Variants in EPM2A observed in about 807,000 individuals in gnomAD.
The protein encoded by EPM2A is EPM2A glucan phosphatase, laforin, also known as laforin.
In EPM2A, 21 loss-of-function variants were observed where a neutral mutation model predicts 26.5. That is an observed-to-expected ratio of 0.79 (90% CI 0.56 to 1.14). EPM2A has a LOEUF of 1.14. Among genes scored for constraint, EPM2A ranks in the 50% most tolerant of loss-of-function variants. EPM2A has a pLI of 0.00. For synonymous variants in EPM2A, 217 were observed against 177.6 expected, an observed-to-expected ratio of 1.22 and a Z score of -1.76; for missense variants, 458 against 440.8, an observed-to-expected ratio of 1.04 and a Z score of -0.35.
chr6:145,561,608 T>A (rs1582854431), intron 2 of EPM2A, among the ~76,000 whole-genome samples: 1 of 152,128 alleles, frequency 6.6e-6, no homozygotes, highest in Non-Finnish European at 1.5e-5. Context: ...AGGCAACCCC[T>A]AACAATAGGC....
intron 2 of EPM2A, among the ~76,000 whole-genome samples, chr6:145,524,956 G>A (rs1456663358): frequency 1.3e-5 from 2 of 152,094 alleles, no homozygotes; most frequent in Non-Finnish European, 2.9e-5. Flanking sequence ...TATGGTGAAA[G>A]TTAAGGGTCT....
At chr6:145,498,124 A>T (rs1343187970), downstream of EPM2A, among the ~76,000 whole-genome samples, 3 of 152,152 alleles carry the variant, frequency 2.0e-5, no homozygotes, top group Non-Finnish European at 2.9e-5. Flanking sequence ...CTCCCCAGTC[A>T]GTCTGGACTC....
chr6:145,420,077 A>G (rs770268497), intron 4 of EPM2A, among the ~76,000 whole-genome samples: 1 of 152,106 alleles, frequency 6.6e-6, no homozygotes, highest in Non-Finnish European at 1.5e-5. Flanking sequence ...ATCTTCTGAG[A>G]GCCAAATTAA....
At chr6:145,727,349 T>C (rs1421816696) in intron 1 of EPM2A, among the ~76,000 whole-genome samples, 2 of 152,066 alleles carry the variant, frequency 1.3e-5, no homozygotes, top group Non-Finnish European at 2.9e-5. Context: ...TATCTGAAAA[T>C]AAAATTTCAC....
At chr6:145,420,891 G>T (rs900973351) in intron 4 of EPM2A, among the ~76,000 whole-genome samples, 1 of 151,922 alleles carries the variant, frequency 6.6e-6, no homozygotes, top group Non-Finnish European at 1.5e-5. Flanking sequence ...TATTAGAAAC[G>T]CACTCCCAAG....
intron 2 of EPM2A, among the ~76,000 whole-genome samples, chr6:145,614,093 G>T (rs1775455006): frequency 6.6e-6 from 1 of 152,192 alleles, no homozygotes; most frequent in Non-Finnish European, 1.5e-5. Flanking sequence ...ATCTTAGCTA[G>T]GTCTTCCGGA....
intron 4 of EPM2A, among the ~76,000 whole-genome samples, chr6:145,453,312 G>T (rs998724909): frequency 6.6e-6 from 1 of 152,102 alleles, no homozygotes; most frequent in African/African-American, 2.4e-5. Context: ...GAGAATGGAG[G>T]TGGGGGGAAA....
Position 145,466,911 on chromosome 6 carries a change from C to T in EPM2A, c.555+35611G>A, listed in dbSNP as rs1458450956. Among the ~76,000 whole-genome samples the T allele has an allele frequency of 7.9e-5, 12 of 152,270 alleles. No homozygotes were observed. The East Asian group carries it at 9.7e-4, about 12-fold the overall frequency. ...CGCAAGAACAAAAAACCAAACACCA[C>T]ACATTCTCACTCATAGGTGGGAACT... is the stretch of plus-strand genomic sequence containing the variant. On this transcript the variant is annotated intron_variant, in intron 4 of 4. Coordinates refer to the EPM2A transcript ENST00000638717.
At chr6:145,630,064 G>A (rs1450794744) in intron 3 of EPM2A, 1 of 152,214 alleles carries the variant, frequency 6.6e-6, no homozygotes, top group Admixed American at 6.5e-5. Flanking sequence ...CATTTTATGT[G>A]TAAAACATTC....
intron 4 of EPM2A, among the ~76,000 whole-genome samples, chr6:145,477,560 T>A (rs939928896): frequency 6.6e-6 from 1 of 151,866 alleles, no homozygotes; most frequent in Non-Finnish European, 1.5e-5. Flanking sequence ...AATTCAGTAA[T>A]ACATTAGAGA....
chr6:145,502,149 A>T (rs1423105795), intron 3 of EPM2A, among the ~76,000 whole-genome samples: 2 of 152,256 alleles, frequency 1.3e-5, no homozygotes, highest in Admixed American at 6.5e-5. Flanking sequence ...GGTATAAAGC[A>T]CATAGCTAAA....
At chr6:145,722,883 G>C in intron 1 of EPM2A, 1 of 335,350 alleles carries the variant, frequency 3.0e-6, no homozygotes, top group Non-Finnish European at 5.8e-6. Flanking sequence ...AAGAGGCCTG[G>C]AACAGATAAT....
chr6:145,576,130 C>G (rs1781027974), intron 2 of EPM2A, among the ~76,000 whole-genome samples: 1 of 152,182 alleles, frequency 6.6e-6, no homozygotes, highest in African/African-American at 2.4e-5. Flanking sequence ...GCCACTGCGA[C>G]CAGCCTCCAC....
downstream of EPM2A, among the ~76,000 whole-genome samples, chr6:145,623,413 C>T (rs1173583521): frequency 6.6e-6 from 1 of 152,092 alleles, no homozygotes; most frequent in Non-Finnish European, 1.5e-5. Context: ...CCTGGAGTAG[C>T]AGCATTCCAG....
At chr6:145,384,645 G>A (rs1345315982) in intron 4 of EPM2A, among the ~76,000 whole-genome samples, 1 of 146,918 alleles carries the variant, frequency 6.8e-6, no homozygotes, top group Non-Finnish European at 1.5e-5. Context: ...TAGTTCCTGG[G>A]GAGTGCTGCC....
At chr6:145,384,287 T>C (rs1369624276) in intron 4 of EPM2A, among the ~76,000 whole-genome samples, 5 of 152,194 alleles carry the variant, frequency 3.3e-5, no homozygotes, top group Non-Finnish European at 5.9e-5. Flanking sequence ...AAGGGACTAT[T>C]AACAATATCA....
chr6:145,621,143 A>G (rs1263705295), downstream of EPM2A, among the ~76,000 whole-genome samples: 1 of 152,204 alleles, frequency 6.6e-6, no homozygotes, highest in Non-Finnish European at 1.5e-5. Context: ...ATTCACTGTT[A>G]CATGAATTTG....
intron 4 of EPM2A, among the ~76,000 whole-genome samples, chr6:145,442,845 A>G (rs191041539): frequency 6.9e-6 from 1 of 145,268 alleles, no homozygotes; most frequent in African/African-American, 2.5e-5. Context: ...TCACAAGGTT[A>G]TTCTTTGTTC....
intron 4 of EPM2A, among the ~76,000 whole-genome samples, chr6:145,443,113 C>T (rs1225068420): frequency 6.6e-6 from 1 of 152,110 alleles, no homozygotes; most frequent in Non-Finnish European, 1.5e-5. Flanking sequence ...CCTTGTGATC[C>T]ACCTGCCTCG....
Sources: allele counts gnomAD v4.1 joint callset (sites outside exome capture counted in the v4.1 genomes callset), GRCh38; gene constraint gnomAD v4.1.1; transcripts MANE v1.5; gene names NCBI Gene and HGNC (gene_info 2026-07-23, HGNC 2026-07-21).